SMOC1: variants seen among roughly 807,000 people sequenced by gnomAD.
SMOC1 encodes the protein SPARC related modular calcium binding 1, also known as SPARC-related modular calcium-binding protein 1.
In SMOC1, 22 loss-of-function variants were observed where a neutral mutation model predicts 56.3. The ratio of observed to expected loss-of-function variants is 0.39; its 90% CI spans 0.28 to 0.56. SMOC1 has a LOEUF of 0.56. Among genes scored for constraint, SMOC1 ranks in the 20% least tolerant of loss-of-function variants. The pLI is 0.61. For missense variants in SMOC1, 509 were observed against 565.4 expected (o/e 0.90, Z 1.01); for synonymous variants, 193 against 215.0 (o/e 0.90, Z 0.89).
In SMOC1 at chr14:69,977,985, T is replaced by G. The variant is rs1884030247; in HGVS notation, c.526+20T>G. On this transcript the variant is annotated intron_variant, in intron 5 of 11. Coordinates refer to ENST00000361956, the MANE Select transcript of SMOC1 (RefSeq NM_001034852.3). ...GGAAAGGTGAGTGGAGTTTTATGCT[T>G]TATCTAAATGTTTGCTTCCAAAGGT... 1 of 1,608,208 alleles carries G rather than the reference T, an allele frequency of 6.2e-7. No homozygotes were observed. Among genetic ancestry groups the G allele is most frequent in the African/African-American group, 1.3e-5 (1 of 74,760 alleles).
chr14:69,956,018 C>A (rs1022978757), intron 3 of SMOC1, among the ~76,000 whole-genome samples: 2 of 152,284 alleles, frequency 1.3e-5, no homozygotes, highest in Non-Finnish European at 1.5e-5. Flanking sequence ...GTGTTGGCTA[C>A]CTCGTGACAG....
At position 70,018,428 on chromosome 14, in the gene SMOC1, A is replaced by G. The variant is rs147858454; in HGVS notation, c.1047-4775A>G. 1.3e-4 allele frequency among the ~76,000 whole-genome samples: 20 copies of G among 152,328 alleles called. No homozygotes were observed. The East Asian group carries it at 3.9e-3, about 29-fold the overall frequency. ...ACAAAGATCTAAAAATAGGCAGAGT[A>G]GAATGGGGTGTCTGTGAAAACTCTA... On this transcript the variant is annotated intron_variant, in intron 10 of 11. Coordinates refer to ENST00000361956, the MANE Select transcript of SMOC1 (RefSeq NM_001034852.3).
intron 1 of SMOC1, among the ~76,000 whole-genome samples, chr14:69,941,993 T>C (rs1882583377): frequency 6.6e-6 from 1 of 152,192 alleles, no homozygotes; most frequent in Admixed American, 6.5e-5. Context: ...AGGTGCTCAG[T>C]GAGTCTTTGC....
At chr14:69,909,785 G>A (rs1295256982) in intron 1 of SMOC1, among the ~76,000 whole-genome samples, 1 of 152,178 alleles carries the variant, frequency 6.6e-6, no homozygotes, top group East Asian at 1.9e-4. Flanking sequence ...ATGGATATTG[G>A]CCATTTAATT....
intron 10 of SMOC1, among the ~76,000 whole-genome samples, chr14:70,022,105 T>A (rs1352204687): frequency 1.3e-5 from 2 of 152,174 alleles, no homozygotes; most frequent in Admixed American, 6.5e-5. Flanking sequence ...TAGATCACAG[T>A]CACTCAGTGC....
intron 1 of SMOC1, among the ~76,000 whole-genome samples, chr14:69,918,232 A>ATTT (rs571675140): frequency 6.8e-6 from 1 of 146,010 alleles, no homozygotes; most frequent in African/African-American, 2.6e-5. Context: ...ATATATATAT[A>ATTT]TATATTTTTT....
chr14:70,013,809 G>T (rs1308927360), intron 10 of SMOC1, among the ~76,000 whole-genome samples: 2 of 152,182 alleles, frequency 1.3e-5, no homozygotes, highest in African/African-American at 4.8e-5. Flanking sequence ...GTTCTGAATG[G>T]CAGGAAGGGT....
At chr14:69,947,581 T>A (rs577432563) in intron 1 of SMOC1, among the ~76,000 whole-genome samples, 1 of 152,338 alleles carries the variant, frequency 6.6e-6, no homozygotes, top group South Asian at 2.1e-4. Flanking sequence ...TTTCTCTTTT[T>A]TGTTTTTCTC....
chr14:70,010,693 G>A, intron 7 of SMOC1, 61 bp from the exon 8 acceptor site: 1 of 1,577,030 alleles, frequency 6.3e-7, no homozygotes. Context: ...GCTGGGCACA[G>A]AAGACAGGAG....
chr14:70,026,757 T>C (rs574039827), intron 11 of SMOC1, among the ~76,000 whole-genome samples: 1 of 152,276 alleles, frequency 6.6e-6, no homozygotes, highest in East Asian at 1.9e-4. Flanking sequence ...ACATGTCTGT[T>C]TGTGCATGTC....
chr14:69,898,479 T>A (rs571296393), intron 1 of SMOC1, among the ~76,000 whole-genome samples: 1 of 152,090 alleles, frequency 6.6e-6, no homozygotes, highest in Non-Finnish European at 1.5e-5. Context: ...TTTTTTCCAG[T>A]CTTTTTTCTC....
At chr14:69,886,761 T>A (rs1353781443) in intron 1 of SMOC1, among the ~76,000 whole-genome samples, 1 of 152,202 alleles carries the variant, frequency 6.6e-6, no homozygotes, top group Non-Finnish European at 1.5e-5. Flanking sequence ...CTGACAAGAA[T>A]CCTTCTTTTC....
In SMOC1 at chr14:70,023,058, C is replaced by G. The variant is rs17764895; in HGVS notation, c.1047-145C>G. Reference sequence around the variant, plus strand: ...AGTCGGAGAGGATGGCTTAACGTTGCCACAGGCTGAGCCGCTGTGGGTGGA... The same window carrying G: ...AGTCGGAGAGGATGGCTTAACGTTGGCACAGGCTGAGCCGCTGTGGGTGGA... On this transcript the variant is annotated intron_variant, in intron 10 of 11. Coordinates refer to ENST00000361956, the MANE Select transcript of SMOC1 (RefSeq NM_001034852.3). The G allele has an allele frequency of 0.12, 150,521 of 1,248,946 alleles. 10,545 individuals carry two copies. The highest frequency in any genetic ancestry group is 0.14 in the Non-Finnish European group (123,351 of 858,118). 77.4% of individuals were successfully genotyped at this position (1,248,946 alleles called of 1,614,324 possible).
chr14:69,885,773 G>C (rs1268700710), intron 1 of SMOC1: 1 of 1,541,038 alleles, frequency 6.5e-7, no homozygotes, highest in Non-Finnish European at 9.0e-7. Context: ...CCCTTTGCCA[G>C]CAGCTTTCTT....
At chr14:69,991,967 G>A (rs116807563) in intron 5 of SMOC1, among the ~76,000 whole-genome samples, 1,681 of 152,310 alleles carry the variant, frequency 0.011, 36 homozygotes, top group African/African-American at 0.039. Context: ...GGGCCACTGA[G>A]CTGGTAGCTT....
intron 1 of SMOC1, among the ~76,000 whole-genome samples, chr14:69,895,866 TC>T (rs1347968223): frequency 5.7e-5 from 6 of 104,648 alleles, no homozygotes; most frequent in Non-Finnish European, 6.5e-5. Context: ...TCTCTTTTTT[TC>T]TTTTTTTTTT....
At chr14:70,016,896 C>T (rs1332048889) in intron 10 of SMOC1, among the ~76,000 whole-genome samples, 1 of 152,212 alleles carries the variant, frequency 6.6e-6, no homozygotes, top group Non-Finnish European at 1.5e-5. Context: ...TCACCCTGTA[C>T]CTCAGCACCC....
Position 69,879,788 on chromosome 14 carries a change from C to T in SMOC1, c.99+11C>T. 6.3e-7 allele frequency: 1 copy of T among 1,579,386 alleles called. No homozygotes were observed. The highest frequency in any genetic ancestry group is 1.3e-5 in the African/African-American group (1 of 74,380). On this transcript the variant is annotated intron_variant, in intron 1 of 11. Coordinates refer to ENST00000361956, the MANE Select transcript of SMOC1 (RefSeq NM_001034852.3). ...ACCACAGGCCCCAGGGTAAGTGCGC[C>T]CCCAGCTTTGCGCCCACCTGCGGAG...
intron 10 of SMOC1, among the ~76,000 whole-genome samples, chr14:70,018,811 G>T (rs1885610767): frequency 6.6e-6 from 1 of 152,224 alleles, no homozygotes; most frequent in Admixed American, 6.5e-5. Context: ...TTCCTGCCCA[G>T]TGTGGTTGCC....
Sources: gnomAD v4.1 joint callset for allele counts (sites outside exome capture counted in the v4.1 genomes callset) on GRCh38, gnomAD v4.1.1 for gene constraint, MANE v1.5 for transcripts, NCBI Gene and HGNC (gene_info 2026-07-23, HGNC 2026-07-21) for gene names.